The following ELOVL5 variants were observed in gnomAD, a reference collection of about 807,000 sequenced individuals.
ELOVL5 encodes ELOVL fatty acid elongase 5, also known as very long chain fatty acid elongase 5.
A neutral mutation model predicts 38.6 loss-of-function variants in ELOVL5; 8 were observed. The ratio of observed to expected loss-of-function variants is 0.21; its 90% CI spans 0.12 to 0.37. The LOEUF (loss-of-function observed/expected upper bound fraction) is 0.37. Among genes scored for constraint, ELOVL5 ranks in the 10% least tolerant of loss-of-function variants. The probability of loss-of-function intolerance (pLI) is 1.00; values close to 1 mark genes in which losing one functional copy is unlikely to be tolerated. For synonymous variants in ELOVL5, 127 were observed against 133.7 expected, an observed-to-expected ratio of 0.95 and a Z score of 0.34; for missense variants, 280 against 367.8, an observed-to-expected ratio of 0.76 and a Z score of 1.95.
rs557768413 is a variant in ELOVL5 at position 53,329,802 on chromosome 6, G to A, written c.-9+19015C>T. Among the ~76,000 whole-genome samples, 6 of 152,224 alleles carry A rather than the reference G, an allele frequency of 3.9e-5. No homozygotes were observed. In the East Asian group the frequency reaches 9.6e-4, roughly 24 times the overall value. On this transcript the variant is annotated intron_variant, in intron 1 of 7. Transcript: ENST00000304434. ...TCATGCCATCGCACTCAGCCTGGGG[G>A]ACAAGAGCAAGACTTCGTCTCAGAA...
At chr6:53,316,412 A>C (rs1768044527) in intron 1 of ELOVL5, among the ~76,000 whole-genome samples, 1 of 152,146 alleles carries the variant, frequency 6.6e-6, no homozygotes, top group African/African-American at 2.4e-5. Context: ...CTCTGCAAAG[A>C]GAGTAATATT....
chr6:53,343,947 T>C (rs1248920414), intron 1 of ELOVL5, among the ~76,000 whole-genome samples: 1 of 152,260 alleles, frequency 6.6e-6, no homozygotes, highest in Non-Finnish European at 1.5e-5. Flanking sequence ...ATTGGGGCTT[T>C]CCTTTTCTCA....
intron 2 of ELOVL5, chr6:53,293,974 T>G (rs1260465531): frequency 5.2e-6 from 3 of 575,776 alleles, no homozygotes; most frequent in Admixed American, 4.4e-5. Flanking sequence ...TTCTCAGCTT[T>G]GGGCCTTGGC....
At position 53,322,170 on chromosome 6, in the gene ELOVL5, A is replaced by G. The variant is rs568071252; in HGVS notation, c.-8-26463T>C. Among the ~76,000 whole-genome samples, 6 of 152,352 alleles carry G rather than the reference A, an allele frequency of 3.9e-5. No individual in the cohort carries two copies. The East Asian group carries it at 9.6e-4, about 24-fold the overall frequency. ...GGGGACATGGACTGTCATTTAAAAA[A>G]CTGAATCTACAAACCCATCCACAGC... On this transcript the variant is annotated intron_variant, in intron 1 of 7. Coordinates refer to ENST00000304434, the MANE Select transcript of ELOVL5 (RefSeq NM_021814.5).
At position 53,272,911 on chromosome 6, in the gene ELOVL5, CACACACATAT is replaced by C. The variant is rs58581846; in HGVS notation, c.621+299_621+308del. Among the ~76,000 whole-genome samples, 51,076 of 151,810 alleles carry C rather than the reference CACACACATAT, an allele frequency of 0.34. 9,196 individuals carry two copies. The highest frequency in any genetic ancestry group is 0.47 in the African/African-American group (19,605 of 41,346). Reference sequence around the variant, plus strand: ...GATTTTGGACTATAATTAGAAAACACACACACATATACACACATACATGCATATGTGCTTA... The same window carrying C: ...GATTTTGGACTATAATTAGAAAACACACACACATACATGCATATGTGCTTA... On this transcript the variant is annotated intron_variant, in intron 6 of 7. Transcript: ENST00000304434.
intron 1 of ELOVL5, among the ~76,000 whole-genome samples, chr6:53,298,604 C>T (rs1767115154): frequency 6.6e-6 from 1 of 152,062 alleles, no homozygotes; most frequent in Admixed American, 6.5e-5. Flanking sequence ...GCCCTTAGAG[C>T]AGTGTCTGGC....
chr6:53,342,297 G>A (rs564057738), intron 1 of ELOVL5, among the ~76,000 whole-genome samples: 2 of 152,308 alleles, frequency 1.3e-5, no homozygotes, highest in South Asian at 4.1e-4. Context: ...GGAAGCAAAT[G>A]AATAATTACT....
intron 1 of ELOVL5, among the ~76,000 whole-genome samples, chr6:53,300,204 T>C (rs1365257161): frequency 6.6e-6 from 1 of 152,190 alleles, no homozygotes; most frequent in Non-Finnish European, 1.5e-5. Flanking sequence ...TGTTTGTTTC[T>C]GCACAGGTTA....
intron 1 of ELOVL5, among the ~76,000 whole-genome samples, chr6:53,308,498 A>G (rs142212193): frequency 6.6e-6 from 1 of 152,342 alleles, no homozygotes; most frequent in East Asian, 1.9e-4. Flanking sequence ...ATGACTTTCT[A>G]GAGTTTCATA....
chr6:53,329,440 T>C (rs1200716924), intron 1 of ELOVL5, among the ~76,000 whole-genome samples: 1 of 152,222 alleles, frequency 6.6e-6, no homozygotes, highest in Non-Finnish European at 1.5e-5. Context: ...AAAAGCTCTT[T>C]GAGTTTCTCA....
At chr6:53,347,783 T>G (rs1331099004) in intron 1 of ELOVL5, among the ~76,000 whole-genome samples, 2 of 151,598 alleles carry the variant, frequency 1.3e-5, no homozygotes, top group Non-Finnish European at 2.9e-5. Context: ...TCTCCAAATT[T>G]GCAATCAAGG....
intron 2 of ELOVL5, among the ~76,000 whole-genome samples, chr6:53,293,630 T>TGA (rs1276069422): frequency 1.3e-5 from 2 of 152,216 alleles, no homozygotes; most frequent in Admixed American, 1.3e-4. Flanking sequence ...GCCCTTTCTT[T>TGA]GACCCCTCCC....
intron 1 of ELOVL5, among the ~76,000 whole-genome samples, chr6:53,345,822 A>T (rs1769516511): frequency 6.6e-6 from 1 of 152,194 alleles, no homozygotes; most frequent in Admixed American, 6.5e-5. Flanking sequence ...AGGAGCAGAG[A>T]TGTTGCAGGA....
intron 1 of ELOVL5, among the ~76,000 whole-genome samples, chr6:53,330,456 A>AT (rs1397217890): frequency 6.9e-6 from 1 of 144,616 alleles, no homozygotes; most frequent in Non-Finnish European, 1.5e-5. Flanking sequence ...TTATTTTAAA[A>AT]TTTTTTCTTC....
chr6:53,296,733 G>A (rs902179429), intron 1 of ELOVL5, among the ~76,000 whole-genome samples: 4 of 152,018 alleles, frequency 2.6e-5, no homozygotes, highest in African/African-American at 9.7e-5. Context: ...ACATTTAGAG[G>A]GTAGCTAATC....
At chr6:53,330,088 A>G (rs1259371806) in intron 1 of ELOVL5, among the ~76,000 whole-genome samples, 1 of 152,204 alleles carries the variant, frequency 6.6e-6, no homozygotes, top group Non-Finnish European at 1.5e-5. Flanking sequence ...TGAGAACATC[A>G]TAGAGTGTAT....
intron 1 of ELOVL5, among the ~76,000 whole-genome samples, chr6:53,328,073 C>A (rs1307096403): frequency 6.6e-6 from 1 of 152,068 alleles, no homozygotes; most frequent in Non-Finnish European, 1.5e-5. Context: ...CCGGCTACCA[C>A]ACATATAAAA....
chr6:53,339,463 G>T (rs1202083061), intron 1 of ELOVL5, among the ~76,000 whole-genome samples: 2 of 152,192 alleles, frequency 1.3e-5, no homozygotes, highest in Non-Finnish European at 2.9e-5. Context: ...GGCCCTTAAT[G>T]GGGCCTTGTA....
rs116278343 is a variant in ELOVL5, at chr6:53,335,674, C to A, written c.-9+13143G>T. ...CTGGTCTCGTCTACCACCCATGGCA[C>A]AGACAGCCGGTTCTTGCCCAAACTC... is the stretch of plus-strand genomic sequence containing the variant. On this transcript the variant is annotated intron_variant, in intron 1 of 7. Coordinates refer to ENST00000304434, the MANE Select transcript of ELOVL5 (RefSeq NM_021814.5). Among the ~76,000 whole-genome samples the A allele has an allele frequency of 6.7e-3, 1,013 of 152,272 alleles. 18 individuals are homozygous for A. The highest frequency in any genetic ancestry group is 0.023 in the African/African-American group (973 of 41,542).
Sources: gnomAD v4.1 joint callset for allele counts (sites outside exome capture counted in the v4.1 genomes callset) on GRCh38, gnomAD v4.1.1 for gene constraint, MANE v1.5 for transcripts, NCBI Gene and HGNC (gene_info 2026-07-23, HGNC 2026-07-21) for gene names.